Variants in FGF14 observed in about 807,000 individuals in gnomAD.
The protein encoded by FGF14 is fibroblast growth factor 14.
Under a neutral mutation model 25.5 loss-of-function variants are expected in FGF14, and 5 were observed. The ratio of observed to expected loss-of-function variants is 0.20; its 90% confidence interval spans 0.10 to 0.41. The LOEUF is 0.41. Ranked by LOEUF, FGF14 falls within the 10% of genes least tolerant of loss-of-function variation. The probability of loss-of-function intolerance (pLI) is 1.00; values close to 1 mark genes in which losing one functional copy is unlikely to be tolerated. For missense variants in FGF14, 222 were observed against 320.1 expected (o/e 0.69, Z 2.34); for synonymous variants, 138 against 118.3 (o/e 1.17, Z -1.08).
chr13:101,949,911 T>A (rs1327043417), intron 1 of FGF14, among the ~76,000 whole-genome samples: 2 of 152,216 alleles, frequency 1.3e-5, no homozygotes, highest in Admixed American at 6.5e-5. Context: ...TGTGTAGCTA[T>A]TGGACCCAGT....
intron 3 of FGF14, among the ~76,000 whole-genome samples, chr13:101,767,292 A>C (rs1271263634): frequency 6.6e-6 from 1 of 152,184 alleles, no homozygotes; most frequent in Non-Finnish European, 1.5e-5. Flanking sequence ...AGCTGTTTTA[A>C]GTACTGATGC....
At chr13:101,829,548 G>A (rs984323886) in intron 3 of FGF14, among the ~76,000 whole-genome samples, 3 of 151,900 alleles carry the variant, frequency 2.0e-5, no homozygotes, top group Non-Finnish European at 4.4e-5. Flanking sequence ...CAGCTATTCC[G>A]GAGGTATTGA....
At chr13:101,860,495 G>C (rs2140410131) in intron 3 of FGF14, among the ~76,000 whole-genome samples, 1 of 152,184 alleles carries the variant, frequency 6.6e-6, no homozygotes, top group Non-Finnish European at 1.5e-5. Context: ...GCAGGCAGTT[G>C]AAAAGTCTGA....
chr13:102,382,073 TAGG>T (rs1281277433), intron 1 of FGF14, among the ~76,000 whole-genome samples: 2 of 152,132 alleles, frequency 1.3e-5, no homozygotes, highest in African/African-American at 2.4e-5. Flanking sequence ...GATCTTGGGT[TAGG>T]AGATCATTTC....
intron 1 of FGF14, among the ~76,000 whole-genome samples, chr13:101,903,524 G>A (rs2031842181): frequency 6.6e-6 from 1 of 151,916 alleles, no homozygotes; most frequent in African/African-American, 2.4e-5. Context: ...CAGACTTTTA[G>A]TGGAGACTTG....
chr13:102,132,213 A>G (rs902270236), intron 1 of FGF14, among the ~76,000 whole-genome samples: 1 of 152,158 alleles, frequency 6.6e-6, no homozygotes, highest in East Asian at 1.9e-4. Flanking sequence ...CTGGAAACAC[A>G]CTGCAGAATA....
chr13:101,911,579 G>A (rs2032938356), intron 1 of FGF14, among the ~76,000 whole-genome samples: 4 of 152,190 alleles, frequency 2.6e-5, no homozygotes, highest in Admixed American at 2.6e-4. Context: ...GGAGGAAAAT[G>A]CATAAACAAT....
intron 1 of FGF14, among the ~76,000 whole-genome samples, chr13:102,356,136 A>G (rs1369215096): frequency 6.6e-6 from 1 of 152,250 alleles, no homozygotes; most frequent in Non-Finnish European, 1.5e-5. Flanking sequence ...AAAAATAAAG[A>G]GATGAACATT....
At chr13:101,858,032 T>G (rs2044217411) in intron 3 of FGF14, among the ~76,000 whole-genome samples, 1 of 152,000 alleles carries the variant, frequency 6.6e-6, no homozygotes, top group African/African-American at 2.4e-5. Context: ...GTTTTACATA[T>G]TTTTGTGAAT....
At chr13:102,076,641 A>G (rs2043376614) in intron 1 of FGF14, among the ~76,000 whole-genome samples, 1 of 152,224 alleles carries the variant, frequency 6.6e-6, no homozygotes, top group South Asian at 2.1e-4. Context: ...TAAATGGAAG[A>G]CACAAATAAA....
At chr13:101,896,622 G>T (rs2030720325) in intron 1 of FGF14, among the ~76,000 whole-genome samples, 1 of 152,150 alleles carries the variant, frequency 6.6e-6, no homozygotes, top group East Asian at 1.9e-4. Context: ...TGTCACTTAG[G>T]GATGAAGGAA....
chr13:101,786,819 T>C lies in FGF14; in HGVS notation c.409-60009A>G, dbSNP rs563423945. Among the ~76,000 whole-genome samples the C allele has an allele frequency of 2.0e-5, 3 of 152,316 alleles. No individual in the cohort carries two copies. In the South Asian group the frequency reaches 6.2e-4, roughly 32 times the overall value. On this transcript the variant is annotated intron_variant, in intron 3 of 4. Transcript: ENST00000376143. The stretch of plus-strand genomic sequence containing the variant: ...CTGATTCTTGTGTATTCTCTTATTG[T>C]TGCTGACAATTAAACCACATAGCAT...
intron 1 of FGF14, among the ~76,000 whole-genome samples, chr13:102,015,888 G>C (rs756822682): frequency 5.9e-5 from 9 of 151,828 alleles, no homozygotes; most frequent in Non-Finnish European, 1.3e-4. Flanking sequence ...TAGCATTTCA[G>C]CAAGTTTTGT....
At chr13:102,126,032 A>G (rs572200781) in intron 1 of FGF14, among the ~76,000 whole-genome samples, 39 of 152,154 alleles carry the variant, frequency 2.6e-4, no homozygotes, top group Non-Finnish European at 7.4e-5. Context: ...TACCAGCATC[A>G]TTCACTTGCT....
intron 3 of FGF14, among the ~76,000 whole-genome samples, chr13:101,733,591 CAAAAAAAAAAAA>C (rs553475621): frequency 1.0e-5 from 1 of 97,372 alleles, no homozygotes; most frequent in Non-Finnish European, 2.1e-5. Flanking sequence ...AAGACTCCAT[CAAAAAAAAAAAA>C]AAAAAAAAAG....
intron 1 of FGF14, among the ~76,000 whole-genome samples, chr13:102,257,342 CTT>C (rs71125058): frequency 8.3e-4 from 27 of 32,572 alleles, no homozygotes; most frequent in African/African-American, 2.8e-3. Flanking sequence ...CCTTTCTTTT[CTT>C]TTTTTTTTTT....
At chr13:102,101,532 C>T (rs1319197483) in intron 1 of FGF14, among the ~76,000 whole-genome samples, 1 of 152,070 alleles carries the variant, frequency 6.6e-6, no homozygotes, top group Non-Finnish European at 1.5e-5. Context: ...AATTATGGTA[C>T]AACTTTTAAA....
At chr13:102,328,589 C>T (rs759629157) in intron 1 of FGF14, among the ~76,000 whole-genome samples, 1 of 152,212 alleles carries the variant, frequency 6.6e-6, no homozygotes, top group African/African-American at 2.4e-5. Context: ...CCTACTCCCA[C>T]ACTTAAAGCT....
At chr13:101,768,260 C>G (rs1443809259) in intron 3 of FGF14, among the ~76,000 whole-genome samples, 2 of 151,786 alleles carry the variant, frequency 1.3e-5, no homozygotes, top group South Asian at 2.1e-4. Context: ...CATTTACTAA[C>G]AAAACATGTT....
Sources: gnomAD v4.1 joint callset for allele counts (sites outside exome capture counted in the v4.1 genomes callset) on GRCh38, gnomAD v4.1.1 for gene constraint, MANE v1.5 for transcripts, NCBI Gene and HGNC (gene_info 2026-07-23, HGNC 2026-07-21) for gene names.